Variants in TAFA1 observed in about 807,000 individuals in gnomAD.
The protein encoded by TAFA1 is chemokine-like protein TAFA-1.
In TAFA1, 4 loss-of-function variants were observed where a neutral mutation model predicts 18.5. That is an observed-to-expected ratio of 0.22 (90% CI 0.11 to 0.49). The LOEUF (loss-of-function observed/expected upper bound fraction) is 0.49. TAFA1 is among the 20% of genes least tolerant of loss of function. The pLI, the probability that TAFA1 is intolerant of heterozygous loss-of-function variation, is 0.98. For missense variants in TAFA1, 147 were observed against 169.0 expected, an observed-to-expected ratio of 0.87 and a Z score of 0.72; for synonymous variants, 56 against 55.2, an observed-to-expected ratio of 1.01 and a Z score of -0.06.
chr3:68,160,330 C>CATAG (rs1277980839), intron 2 of TAFA1, among the ~76,000 whole-genome samples: 1 of 152,148 alleles, frequency 6.6e-6, no homozygotes, highest in Admixed American at 6.5e-5. Context: ...TGAAAGAAGC[C>CATAG]ATAGATTATA....
chr3:68,305,448 TATATATATAG>T (rs1380261861), intron 2 of TAFA1, among the ~76,000 whole-genome samples: 13 of 112,914 alleles, frequency 1.2e-4, no homozygotes, highest in African/African-American at 3.0e-4. Flanking sequence ...TATATATATA[TATATATATAG>T]GTAGAAGGGG....
rs1553659903 is a variant in TAFA1, at chr3:68,254,133, GTATC to G, written c.119-163125_119-163122del. On this transcript the variant is annotated intron_variant, in intron 2 of 4. Transcript: ENST00000478136. ...TGTATGTATGTATGTATGTATGTAT[GTATC>G]TATCTATCTATCTATCTATCTGTCT... is the stretch of plus-strand genomic sequence containing the variant. 5.1e-3 allele frequency among the ~76,000 whole-genome samples: 571 copies of G among 111,134 alleles called. 7 individuals are homozygous for G. The highest frequency in any genetic ancestry group is 5.8e-3 in the East Asian group (20 of 3,432). 72.9% of individuals were successfully genotyped at this position (111,134 alleles called of 152,430 possible). A position where few individuals can be genotyped will look rare whatever the true frequency, so the allele number is the denominator to read the frequency against.
intron 2 of TAFA1, chr3:68,145,238 C>G: frequency 1.3e-6 from 1 of 789,332 alleles, no homozygotes; most frequent in East Asian, 2.4e-5. Context: ...GTCAGTAGGA[C>G]GAAGAGTCTG....
chr3:68,101,504 T>TA (rs1325708984), intron 2 of TAFA1, among the ~76,000 whole-genome samples: 1 of 152,008 alleles, frequency 6.6e-6, no homozygotes, highest in Non-Finnish European at 1.5e-5. Context: ...TATGCAGCCA[T>TA]AAAAAATGAT....
chr3:68,141,287 G>A (rs992696483), intron 2 of TAFA1, among the ~76,000 whole-genome samples: 1 of 152,106 alleles, frequency 6.6e-6, no homozygotes, highest in Admixed American at 6.6e-5. Flanking sequence ...TTAATGAGAT[G>A]TATATACCTC....
chr3:68,467,761 G>C (rs1223542030), intron 3 of TAFA1, among the ~76,000 whole-genome samples: 1 of 152,166 alleles, frequency 6.6e-6, no homozygotes, highest in Non-Finnish European at 1.5e-5. Flanking sequence ...TCAAGGGTGA[G>C]CAGATTTCAA....
chr3:68,296,467 A>T (rs2068209442), intron 2 of TAFA1, among the ~76,000 whole-genome samples: 1 of 152,186 alleles, frequency 6.6e-6, no homozygotes, highest in South Asian at 2.1e-4. Context: ...AGGTGTTTTC[A>T]TGCTAAGCAG....
At chr3:68,164,648 T>TGTGTGC (rs2065962330) in intron 2 of TAFA1, among the ~76,000 whole-genome samples, 1 of 151,904 alleles carries the variant, frequency 6.6e-6, no homozygotes, top group Admixed American at 6.6e-5. Flanking sequence ...TGTGTGTGTG[T>TGTGTGC]GTGTGTGTGT....
At chr3:68,409,490 C>G (rs893424405) in intron 2 of TAFA1, among the ~76,000 whole-genome samples, 43 of 152,134 alleles carry the variant, frequency 2.8e-4, no homozygotes, top group African/African-American at 8.4e-4. Flanking sequence ...CCTGCACTCT[C>G]TCTCCTGCCA....
intron 2 of TAFA1, among the ~76,000 whole-genome samples, chr3:68,314,060 G>C (rs1407811953): frequency 1.3e-5 from 2 of 152,066 alleles, no homozygotes; most frequent in Non-Finnish European, 2.9e-5. Flanking sequence ...GTATACCCTT[G>C]AATAGGATTA....
intron 3 of TAFA1, among the ~76,000 whole-genome samples, chr3:68,470,766 C>T (rs369166715): frequency 1.5e-3 from 223 of 152,208 alleles, no homozygotes; most frequent in East Asian, 5.4e-3. Flanking sequence ...CATAAAAGTT[C>T]GGAAAATTTG....
Position 68,484,488 on chromosome 3 carries a change from G to A in TAFA1, c.260-54268G>A, listed in dbSNP as rs544719841. Among the ~76,000 whole-genome samples, 8 of 152,224 alleles carry A rather than the reference G, an allele frequency of 5.3e-5. No individual in the cohort carries two copies. In the South Asian group the frequency reaches 1.2e-3, roughly 24 times the overall value. On this transcript the variant is annotated intron_variant, in intron 3 of 4. Transcript: ENST00000478136. ...TAAGATGCAATGCATTGGATTGGTG[G>A]GTGAGGTGAAAAAAGGAATAGAAGC...
chr3:68,231,231 A>G (rs1340068889), intron 2 of TAFA1, among the ~76,000 whole-genome samples: 1 of 152,170 alleles, frequency 6.6e-6, no homozygotes, highest in Non-Finnish European at 1.5e-5. Flanking sequence ...TCAAAAAGGT[A>G]GAAAATTGAA....
chr3:68,492,319 G>T (rs1413005468), intron 3 of TAFA1, among the ~76,000 whole-genome samples: 1 of 149,808 alleles, frequency 6.7e-6, no homozygotes, highest in African/African-American at 2.4e-5. Context: ...TTGTTTTTTT[G>T]TTTTTTTTTG....
chr3:68,373,611 A>G (rs573037833), intron 2 of TAFA1, among the ~76,000 whole-genome samples: 25 of 152,284 alleles, frequency 1.6e-4, no homozygotes, highest in African/African-American at 5.5e-4. Flanking sequence ...TTGGCAAACA[A>G]TATCTTTTGA....
intron 2 of TAFA1, among the ~76,000 whole-genome samples, chr3:68,143,597 G>A (rs2065697440): frequency 6.6e-6 from 1 of 152,120 alleles, no homozygotes; most frequent in South Asian, 2.1e-4. Flanking sequence ...CCTACCAGAT[G>A]CCAGTTATGA....
chr3:68,041,876 A>T (rs1705172535), intron 2 of TAFA1, among the ~76,000 whole-genome samples: 1 of 152,158 alleles, frequency 6.6e-6, no homozygotes, highest in East Asian at 1.9e-4. Flanking sequence ...TTTATTTCCT[A>T]TCTGAGCTCT....
intron 2 of TAFA1, among the ~76,000 whole-genome samples, chr3:68,372,539 A>G (rs2106820515): frequency 6.6e-6 from 1 of 152,316 alleles, no homozygotes; most frequent in South Asian, 2.1e-4. Context: ...TGTGGTCAAA[A>G]TGCCATTTTT....
intron 3 of TAFA1, among the ~76,000 whole-genome samples, chr3:68,445,874 C>T (rs1406938843): frequency 1.3e-5 from 2 of 152,190 alleles, no homozygotes; most frequent in South Asian, 2.1e-4. Flanking sequence ...TCTGGCCTAA[C>T]ATTTGTTGTT....
Sources: allele counts gnomAD v4.1 joint callset (sites outside exome capture counted in the v4.1 genomes callset), GRCh38; gene constraint gnomAD v4.1.1; transcripts MANE v1.5; gene names NCBI Gene and HGNC (gene_info 2026-07-23, HGNC 2026-07-21).